DGKB: variants seen among roughly 807,000 people sequenced by gnomAD.
DGKB encodes the protein diacylglycerol kinase beta.
In DGKB, 67 loss-of-function variants were observed where a neutral mutation model predicts 114.3. That is an observed-to-expected ratio of 0.59 (90% CI 0.48 to 0.72). DGKB has a LOEUF of 0.72. Ranked by LOEUF, DGKB falls within the 30% of genes least tolerant of loss-of-function variation. The pLI is 0.00. For synonymous variants in DGKB, 398 were observed against 323.1 expected, an observed-to-expected ratio of 1.23 and a Z score of -2.49; for missense variants, 907 against 975.2, an observed-to-expected ratio of 0.93 and a Z score of 0.93.
intron 2 of DGKB, among the ~76,000 whole-genome samples, chr7:14,827,190 A>T (rs755105834): frequency 3.3e-5 from 5 of 152,156 alleles, no homozygotes; most frequent in Non-Finnish European, 7.4e-5. Flanking sequence ...ACCTTCTCAT[A>T]TTATCATATT....
At chr7:14,770,896 A>G (rs1837309542) in intron 2 of DGKB, among the ~76,000 whole-genome samples, 1 of 152,120 alleles carries the variant, frequency 6.6e-6, no homozygotes, top group Admixed American at 6.6e-5. Context: ...GAATGTAACA[A>G]AAGCCCACCA....
At chr7:14,846,219 G>C (rs1848609370) in intron 1 of DGKB, among the ~76,000 whole-genome samples, 1 of 152,094 alleles carries the variant, frequency 6.6e-6, no homozygotes, top group Non-Finnish European at 1.5e-5. Context: ...TTGGCTGTTG[G>C]ATTTGGTTTA....
intron 13 of DGKB, among the ~76,000 whole-genome samples, chr7:14,655,914 C>A (rs1815688364): frequency 6.6e-6 from 1 of 151,568 alleles, no homozygotes; most frequent in Admixed American, 6.6e-5. Context: ...AGTTGGTTAA[C>A]TGATACAAAA....
intron 4 of DGKB, among the ~76,000 whole-genome samples, chr7:14,741,117 T>C (rs541935016): frequency 1.3e-5 from 2 of 152,148 alleles, no homozygotes; most frequent in Non-Finnish European, 2.9e-5. Context: ...GTCTCCATAC[T>C]ACAGGACACT....
chr7:14,705,380 T>C (rs1379380072), intron 6 of DGKB, among the ~76,000 whole-genome samples: 1 of 149,880 alleles, frequency 6.7e-6, no homozygotes, highest in Non-Finnish European at 1.5e-5. Flanking sequence ...TGGAACCAAG[T>C]TGGAAAACAC....
chr7:14,592,518 A>G (rs1233790470), intron 17 of DGKB, among the ~76,000 whole-genome samples: 1 of 151,918 alleles, frequency 6.6e-6, no homozygotes, highest in African/African-American at 2.4e-5. Context: ...AATCTGGCTG[A>G]ATTTTCTGAT....
intron 20 of DGKB, among the ~76,000 whole-genome samples, chr7:14,483,167 T>A (rs1367612617): frequency 6.6e-6 from 1 of 152,146 alleles, no homozygotes; most frequent in African/African-American, 2.4e-5. Flanking sequence ...TGGAACCTGG[T>A]AACTTTTTTT....
intron 20 of DGKB, among the ~76,000 whole-genome samples, chr7:14,487,476 C>G (rs561546166): frequency 6.6e-6 from 1 of 151,536 alleles, no homozygotes; most frequent in East Asian, 1.9e-4. Context: ...TAGTAATTTT[C>G]TATGTGAACT....
At chr7:14,585,312 T>C (rs1584963746) in intron 17 of DGKB, among the ~76,000 whole-genome samples, 1 of 152,172 alleles carries the variant, frequency 6.6e-6, no homozygotes, top group East Asian at 1.9e-4. Context: ...AGAACATTTC[T>C]AATAACTTAC....
At chr7:14,751,731 G>A (rs1003475926) in intron 4 of DGKB, among the ~76,000 whole-genome samples, 4 of 152,144 alleles carry the variant, frequency 2.6e-5, no homozygotes, top group Non-Finnish European at 4.4e-5. Flanking sequence ...ACCACATGGT[G>A]GAAGGAAATT....
chr7:14,368,676 T>C (rs774633830), intron 21 of DGKB, among the ~76,000 whole-genome samples: 6 of 151,946 alleles, frequency 3.9e-5, no homozygotes, highest in Non-Finnish European at 7.4e-5. Context: ...ACGACAAAGT[T>C]ACTGAATACA....
intron 21 of DGKB, among the ~76,000 whole-genome samples, chr7:14,358,154 G>T (rs574790825): frequency 1.3e-5 from 2 of 152,102 alleles, no homozygotes; most frequent in South Asian, 4.2e-4. Flanking sequence ...GCTAGTTTGG[G>T]GAACTTCTCC....
At chr7:14,605,726 A>T (rs766236315) in intron 17 of DGKB, among the ~76,000 whole-genome samples, 1 of 152,102 alleles carries the variant, frequency 6.6e-6, no homozygotes. Context: ...GCTAAAATCA[A>T]ATTTATTCCA....
chr7:14,534,224 C>A lies in DGKB; in HGVS notation c.1770+39988G>T, dbSNP rs192311329. Among the ~76,000 whole-genome samples, 1,304 of 152,012 alleles carry A rather than the reference C, an allele frequency of 8.6e-3. 25 individuals carry two copies. Among genetic ancestry groups the A allele is most frequent in the Non-Finnish European group, 7.0e-3 (473 of 67,896 alleles). On this transcript the variant is annotated intron_variant, in intron 20 of 25. Transcript: ENST00000402815. ...TATACAGTTAAAGAAAAGTTGTTAT[C>A]AGCTAAAAGTAGACTGTTATAATTA...
intron 23 of DGKB, among the ~76,000 whole-genome samples, chr7:14,216,725 CAAAAAAAAAAAAA>C (rs755191130): frequency 1.2e-4 from 6 of 50,354 alleles, no homozygotes; most frequent in Admixed American, 1.1e-3. Flanking sequence ...GACTCCGTCT[CAAAAAAAAAAAAA>C]AAAAAAAAAA....
chr7:14,312,676 T>C (rs889185103), intron 23 of DGKB, among the ~76,000 whole-genome samples: 10 of 152,212 alleles, frequency 6.6e-5, no homozygotes, highest in Middle Eastern at 3.2e-3. Flanking sequence ...ACTTTGTTCA[T>C]GGAACACCTT....
chr7:14,660,049 G>A (rs1301711764), intron 13 of DGKB, among the ~76,000 whole-genome samples: 12 of 151,164 alleles, frequency 7.9e-5, no homozygotes, highest in Admixed American at 1.3e-4. Context: ...TGATTTGCGT[G>A]TATTGAACCA....
intron 20 of DGKB, among the ~76,000 whole-genome samples, chr7:14,546,772 T>C (rs1040226316): frequency 2.0e-5 from 3 of 152,172 alleles, no homozygotes; most frequent in African/African-American, 7.2e-5. Flanking sequence ...GCATTAATGA[T>C]GTTGTTAAGT....
chr7:14,749,472 A>G (rs1408666427), intron 4 of DGKB, among the ~76,000 whole-genome samples: 1 of 152,196 alleles, frequency 6.6e-6, no homozygotes, highest in East Asian at 1.9e-4. Flanking sequence ...TTAGAAATAT[A>G]TTATTTTAGT....
Sources: gnomAD v4.1 joint callset for allele counts (sites outside exome capture counted in the v4.1 genomes callset) on GRCh38, gnomAD v4.1.1 for gene constraint, MANE v1.5 for transcripts, NCBI Gene and HGNC (gene_info 2026-07-23, HGNC 2026-07-21) for gene names.